Variants in EXOC4 observed in about 807,000 individuals in gnomAD.
The protein encoded by EXOC4 is exocyst complex component 4, also known as SEC8-like 1.
In EXOC4, 71 loss-of-function variants were observed where a neutral mutation model predicts 107.2. That is an observed-to-expected ratio of 0.66 (90% confidence interval 0.55 to 0.81). EXOC4 has a LOEUF of 0.81. Among genes scored for constraint, EXOC4 ranks in the 30% least tolerant of loss-of-function variants. The pLI, the probability that EXOC4 is intolerant of heterozygous loss-of-function variation, is 0.00. For synonymous variants in EXOC4, 456 were observed against 441.2 expected (o/e 1.03, Z -0.42); for missense variants, 1,108 against 1,189.6 (o/e 0.93, Z 1.01).
intron 9 of EXOC4, among the ~76,000 whole-genome samples, chr7:133,558,182 GTTCCTTCTCTTTTCT>G (rs1156443771): frequency 2.4e-4 from 24 of 99,914 alleles, no homozygotes; most frequent in African/African-American, 9.7e-4. Context: ...TGGTATTTTG[GTTCCTTCTCTTTTCT>G]TTTCTTTTCT....
At chr7:133,883,656 C>A (rs1452682418) in intron 11 of EXOC4, among the ~76,000 whole-genome samples, 4 of 151,944 alleles carry the variant, frequency 2.6e-5, no homozygotes, top group Non-Finnish European at 5.9e-5. Context: ...TAAGCTAGAG[C>A]TGCAATAAAT....
chr7:133,363,620 A>C (rs55789451), intron 6 of EXOC4, among the ~76,000 whole-genome samples: 2 of 132,190 alleles, frequency 1.5e-5, no homozygotes, highest in East Asian at 2.2e-4. Context: ...AAAAAAAAAA[A>C]AAAAAAAAAC....
chr7:134,070,777 A>C (rs571179238), downstream of EXOC4, among the ~76,000 whole-genome samples: 109 of 85,890 alleles, frequency 1.3e-3, 1 homozygote, highest in Middle Eastern at 5.2e-3. Context: ...TGTACAAATA[A>C]CTGGAAAAAA....
In EXOC4 at chr7:133,889,578, C is replaced by G. The variant is rs1246099648; in HGVS notation, c.1735-6021C>G. 5.4e-4 allele frequency among the ~76,000 whole-genome samples: 62 copies of G among 115,068 alleles called. 1 individual carries two copies. The highest frequency in any genetic ancestry group is 3.9e-3 in the East Asian group (13 of 3,346). 75.5% of individuals were successfully genotyped at this position (115,068 alleles called of 152,430 possible). A position where few individuals can be genotyped will look rare whatever the true frequency, so the allele number is the denominator to read the frequency against. ...CGAATGCTATCCCTCCCCCCTCCCC[C>G]CTCCCCACCACAGTCCCCAGAGTGT... is the stretch of plus-strand genomic sequence containing the variant. On this transcript the variant is annotated intron_variant, in intron 11 of 17. Transcript: ENST00000253861.
At chr7:134,061,353 T>G (rs892556053) in intron 17 of EXOC4, among the ~76,000 whole-genome samples, 4 of 152,356 alleles carry the variant, frequency 2.6e-5, no homozygotes, top group South Asian at 2.1e-4. Context: ...TTCTGTAGCC[T>G]TCTCTGATGC....
chr7:133,356,016 C>T (rs1373705141), intron 5 of EXOC4, among the ~76,000 whole-genome samples: 2 of 152,106 alleles, frequency 1.3e-5, no homozygotes, highest in Admixed American at 6.6e-5. Context: ...TTATAAACAG[C>T]GAGTGCCTAA....
In EXOC4 at chr7:133,662,269, C is replaced by T. The variant is rs140834374; in HGVS notation, c.1514+32128C>T. ...GCTCCATTTAATCTTAGAACATACC[C>T]GTATTAAGGGTGAGAGAAGTGTTGA... On this transcript the variant is annotated intron_variant, in intron 10 of 17. Coordinates refer to ENST00000253861, the MANE Select transcript of EXOC4 (RefSeq NM_021807.4). Among the ~76,000 whole-genome samples, 111 of 151,960 alleles carry T rather than the reference C, an allele frequency of 7.3e-4. 1 individual carries two copies. The East Asian group carries it at 0.014, about 19-fold the overall frequency.
At chr7:133,721,505 TTAGACA>T (rs1226912122) in intron 10 of EXOC4, among the ~76,000 whole-genome samples, 1 of 152,168 alleles carries the variant, frequency 6.6e-6, no homozygotes, top group Non-Finnish European at 1.5e-5. Context: ...TTTTATCACA[TTAGACA>T]TAGGCCAGTT....
At chr7:133,524,841 A>G (rs936192241) in intron 9 of EXOC4, among the ~76,000 whole-genome samples, 21 of 152,282 alleles carry the variant, frequency 1.4e-4, no homozygotes, top group Middle Eastern at 3.4e-3. Flanking sequence ...AGTTCTTACT[A>G]TATCTTTCAA....
chr7:133,540,373 A>G (rs1800355411), intron 9 of EXOC4, among the ~76,000 whole-genome samples: 1 of 152,180 alleles, frequency 6.6e-6, no homozygotes, highest in Non-Finnish European at 1.5e-5. Context: ...TTAGGAACAT[A>G]CTGTACTAGA....
chr7:133,338,156 C>T lies in EXOC4; in HGVS notation c.764-18174C>T, dbSNP rs139868656. Reference sequence around the variant, plus strand: ...TTGGTTTGTTACTCTTAAAAAATTTCGAGCTAGATATTTAAATCATGTATT... The same window carrying T: ...TTGGTTTGTTACTCTTAAAAAATTTTGAGCTAGATATTTAAATCATGTATT... On this transcript the variant is annotated intron_variant, in intron 5 of 17. Coordinates refer to ENST00000253861, the MANE Select transcript of EXOC4 (RefSeq NM_021807.4). 1.3e-3 allele frequency among the ~76,000 whole-genome samples: 194 copies of T among 151,706 alleles called. 2 individuals carry two copies. Among genetic ancestry groups the T allele is most frequent in the Non-Finnish European group, 1.3e-3 (87 of 67,926 alleles).
intron 10 of EXOC4, among the ~76,000 whole-genome samples, chr7:133,764,992 G>A (rs1042608992): frequency 6.6e-6 from 1 of 151,902 alleles, no homozygotes; most frequent in Non-Finnish European, 1.5e-5. Context: ...GATATGAATC[G>A]CTAGGTAACT....
chr7:133,335,384 G>A (rs1401799323), intron 5 of EXOC4, among the ~76,000 whole-genome samples: 3 of 151,956 alleles, frequency 2.0e-5, no homozygotes, highest in Non-Finnish European at 4.4e-5. Flanking sequence ...AACCCCTGGC[G>A]GCCCCCATTC....
chr7:133,716,986 A>G (rs1004474870), intron 10 of EXOC4, among the ~76,000 whole-genome samples: 3 of 152,172 alleles, frequency 2.0e-5, no homozygotes, highest in African/African-American at 7.2e-5. Context: ...CATTTCTTCA[A>G]TTGGCCATAA....
chr7:133,627,311 G>A (rs1802479826), intron 9 of EXOC4, among the ~76,000 whole-genome samples: 2 of 152,162 alleles, frequency 1.3e-5, no homozygotes, highest in Admixed American at 6.5e-5. Flanking sequence ...TGCATAGAGC[G>A]CAACTATACA....
chr7:133,626,052 C>T (rs936279725), intron 9 of EXOC4, among the ~76,000 whole-genome samples: 1 of 152,026 alleles, frequency 6.6e-6, no homozygotes, highest in African/African-American at 2.4e-5. Flanking sequence ...ACTAAAAATA[C>T]AAAAATTAGC....
At chr7:133,307,339 C>T (rs1252646826) in intron 4 of EXOC4, among the ~76,000 whole-genome samples, 1 of 152,148 alleles carries the variant, frequency 6.6e-6, no homozygotes, top group African/African-American at 2.4e-5. Context: ...TCTGTCAGTA[C>T]CTCAGCAGAG....
chr7:133,376,472 G>C (rs1436806956), intron 7 of EXOC4, among the ~76,000 whole-genome samples: 1 of 152,178 alleles, frequency 6.6e-6, no homozygotes, highest in Non-Finnish European at 1.5e-5. Context: ...TTCTCATCTT[G>C]ATGAAGTTAC....
intron 13 of EXOC4, among the ~76,000 whole-genome samples, chr7:133,926,957 C>T (rs986597781): frequency 2.6e-5 from 4 of 151,858 alleles, no homozygotes; most frequent in African/African-American, 7.3e-5. Flanking sequence ...TTATTTGGCA[C>T]GAGTCATATA....
Sources: gnomAD v4.1 joint callset for allele counts (sites outside exome capture counted in the v4.1 genomes callset) on GRCh38, gnomAD v4.1.1 for gene constraint, MANE v1.5 for transcripts, NCBI Gene and HGNC (gene_info 2026-07-23, HGNC 2026-07-21) for gene names.